MAP3K20: variants seen among roughly 807,000 people sequenced by gnomAD.
MAP3K20 encodes mitogen-activated protein kinase kinase kinase 20, also known as HCCS-4.
MAP3K20 carries 40 observed loss-of-function variants against 85.7 expected under a neutral mutation model. The observed-to-expected ratio is 0.47, with a 90% CI of 0.36 to 0.61. The LOEUF (loss-of-function observed/expected upper bound fraction) is 0.61. MAP3K20 is among the 20% of genes least tolerant of loss of function. The pLI is 0.00. For missense variants in MAP3K20, 817 were observed against 961.7 expected, an observed-to-expected ratio of 0.85 and a Z score of 1.99; for synonymous variants, 325 against 327.7, an observed-to-expected ratio of 0.99 and a Z score of 0.09.
chr2:173,220,029 C>T (rs1346344685), intron 11 of MAP3K20, among the ~76,000 whole-genome samples: 4 of 136,988 alleles, frequency 2.9e-5, no homozygotes, highest in East Asian at 2.5e-4. Flanking sequence ...GATAGTGCCA[C>T]TGCACTCCAG....
chr2:173,088,050 A>G (rs1010943405), intron 1 of MAP3K20, among the ~76,000 whole-genome samples: 1 of 138,194 alleles, frequency 7.2e-6, no homozygotes, highest in African/African-American at 2.8e-5. Context: ...GTCTCTAAAA[A>G]CAATAGAACC....
At chr2:173,207,235 G>A (rs1050612043) in intron 9 of MAP3K20, among the ~76,000 whole-genome samples, 2 of 152,208 alleles carry the variant, frequency 1.3e-5, no homozygotes, top group African/African-American at 4.8e-5. Flanking sequence ...GCTCACGTCT[G>A]TAATCCTAGC....
At chr2:173,113,254 C>G (rs913547770) in intron 2 of MAP3K20, among the ~76,000 whole-genome samples, 1 of 151,944 alleles carries the variant, frequency 6.6e-6, no homozygotes, top group African/African-American at 2.4e-5. Context: ...TGTTTTGTTT[C>G]TTAGTGGGGT....
intron 2 of MAP3K20, among the ~76,000 whole-genome samples, chr2:173,102,235 T>G (rs75265130): frequency 0.033 from 4,979 of 152,290 alleles, 292 homozygotes; most frequent in African/African-American, 0.11. Flanking sequence ...ACAGAAAGGT[T>G]TCACTGTTAA....
At position 173,221,253 on chromosome 2, in the gene MAP3K20, G is replaced by A. The variant is rs143987879; in HGVS notation, c.987+4003G>A. Reference sequence around the variant, plus strand: ...ATGTCATGTCAGATCACAGCAACAAGTAACGGGGAGGGCCATGGCATGAAC... The same window carrying A: ...ATGTCATGTCAGATCACAGCAACAAATAACGGGGAGGGCCATGGCATGAAC... On this transcript the variant is annotated intron_variant, in intron 11 of 19. Transcript: ENST00000375213. 203 of 1,613,882 alleles carry A rather than the reference G, an allele frequency of 1.3e-4. No homozygotes were observed. The highest frequency in any genetic ancestry group is 1.7e-4 in the Non-Finnish European group (195 of 1,179,990).
intron 2 of MAP3K20, among the ~76,000 whole-genome samples, chr2:173,134,410 A>ATTTTTTT (rs1688724960): frequency 1.8e-4 from 1 of 5,660 alleles, no homozygotes; most frequent in African/African-American, 5.9e-4. Context: ...ATATATATAT[A>ATTTTTTT]TATATATATA....
chr2:173,234,698 C>T (rs1023182442), intron 14 of MAP3K20, among the ~76,000 whole-genome samples: 1 of 152,194 alleles, frequency 6.6e-6, no homozygotes. Context: ...GGAGTCCCGA[C>T]CTACGTAGCA....
At chr2:173,115,365 T>C (rs1688090565) in intron 2 of MAP3K20, among the ~76,000 whole-genome samples, 1 of 152,220 alleles carries the variant, frequency 6.6e-6, no homozygotes, top group African/African-American at 2.4e-5. Flanking sequence ...CTCTGGTCCT[T>C]CCCTGATTAG....
At chr2:173,092,474 G>A (rs867594115) in intron 2 of MAP3K20, among the ~76,000 whole-genome samples, 5 of 152,140 alleles carry the variant, frequency 3.3e-5, no homozygotes, top group Admixed American at 6.5e-5. Flanking sequence ...CCATTTTATG[G>A]ATTGGGAAAT....
chr2:173,230,439 G>C (rs1015360553), intron 12 of MAP3K20, among the ~76,000 whole-genome samples: 2 of 152,156 alleles, frequency 1.3e-5, no homozygotes, highest in Non-Finnish European at 2.9e-5. Flanking sequence ...TCCACCTCAG[G>C]CCTGTTTGAA....
intron 11 of MAP3K20, among the ~76,000 whole-genome samples, chr2:173,219,592 C>T (rs1034582498): frequency 1.1e-4 from 16 of 152,260 alleles, no homozygotes; most frequent in African/African-American, 3.4e-4. Context: ...AGTTTGACTG[C>T]AAGGGAAATA....
intron 14 of MAP3K20, among the ~76,000 whole-genome samples, chr2:173,236,266 TAAAAAAAA>T (rs67764486): frequency 1.7e-4 from 11 of 64,704 alleles, no homozygotes; most frequent in African/African-American, 6.1e-4. Flanking sequence ...AGACCCTGTC[TAAAAAAAA>T]AAAAAAAAAA....
chr2:173,157,026 C>T (rs1237995718), intron 2 of MAP3K20, among the ~76,000 whole-genome samples: 1 of 152,124 alleles, frequency 6.6e-6, no homozygotes, highest in African/African-American at 2.4e-5. Context: ...TTAGGGGCAC[C>T]AACCCCTGTG....
chr2:173,216,662 T>G (rs1390502118), intron 10 of MAP3K20, among the ~76,000 whole-genome samples: 1 of 152,216 alleles, frequency 6.6e-6, no homozygotes, highest in Non-Finnish European at 1.5e-5. Context: ...ATGTGTAGCC[T>G]AAAGTGTCAT....
chr2:173,106,943 T>C (rs181794704), intron 2 of MAP3K20, among the ~76,000 whole-genome samples: 390 of 152,114 alleles, frequency 2.6e-3, no homozygotes, highest in Middle Eastern at 3.4e-3. Context: ...TGCGGCAGGG[T>C]GAAGGACTAG....
intron 2 of MAP3K20, 94 bp downstream of exon 2, chr2:173,091,284 C>G (rs1374320888): frequency 1.1e-5 from 15 of 1,318,662 alleles, no homozygotes; most frequent in Non-Finnish European, 1.6e-5. Context: ...TGCAAGAGAC[C>G]TAGCAAGGCC....
intron 1 of MAP3K20, among the ~76,000 whole-genome samples, chr2:173,081,807 G>A (rs1687021533): frequency 6.6e-6 from 1 of 152,170 alleles, no homozygotes; most frequent in South Asian, 2.1e-4. Context: ...CAGAAAAGGA[G>A]GGAGACCGTC....
At chr2:173,119,278 C>T (rs1010638102) in intron 2 of MAP3K20, among the ~76,000 whole-genome samples, 1 of 152,206 alleles carries the variant, frequency 6.6e-6, no homozygotes, top group South Asian at 2.1e-4. Context: ...GGTCCAGTGA[C>T]GATCTCGAGT....
intron 3 of MAP3K20, among the ~76,000 whole-genome samples, chr2:173,180,313 A>G (rs1260957157): frequency 1.3e-5 from 2 of 152,196 alleles, no homozygotes; most frequent in South Asian, 4.1e-4. Context: ...AAAGCCTCAC[A>G]TTGATTGGCA....
Sources: allele counts gnomAD v4.1 joint callset (sites outside exome capture counted in the v4.1 genomes callset), GRCh38; gene constraint gnomAD v4.1.1; transcripts MANE v1.5; gene names NCBI Gene and HGNC (gene_info 2026-07-23, HGNC 2026-07-21).